Variants in CLPB observed in about 807,000 individuals in gnomAD.
CLPB encodes the protein ClpB family mitochondrial disaggregase.
In CLPB, 40 loss-of-function variants were observed where a neutral mutation model predicts 78.4. That is an observed-to-expected ratio of 0.51 (90% CI 0.40 to 0.66). CLPB has a LOEUF of 0.66. Among genes scored for constraint, CLPB ranks in the 30% least tolerant of loss-of-function variants. The probability of loss-of-function intolerance (pLI) is 0.00; values close to 1 mark genes in which losing one functional copy is unlikely to be tolerated. For missense variants in CLPB, 780 were observed against 886.9 expected, an observed-to-expected ratio of 0.88 and a Z score of 1.53; for synonymous variants, 333 against 348.0, an observed-to-expected ratio of 0.96 and a Z score of 0.48.
intron 4 of CLPB, among the ~76,000 whole-genome samples, chr11:72,361,289 G>C (rs1230249945): frequency 6.6e-6 from 1 of 152,156 alleles, no homozygotes; most frequent in Non-Finnish European, 1.5e-5. Context: ...TCCTGCCCCA[G>C]GAGTGTTATC....
intron 2 of CLPB, chr11:72,410,773 C>G (rs1475276876): frequency 2.0e-5 from 3 of 152,196 alleles, no homozygotes; most frequent in Non-Finnish European, 4.4e-5. Flanking sequence ...TCCCATCCAT[C>G]AGTGATCCTG....
intron 4 of CLPB, among the ~76,000 whole-genome samples, chr11:72,362,079 C>T (rs1565461903): frequency 6.6e-6 from 1 of 152,224 alleles, no homozygotes; most frequent in Non-Finnish European, 1.5e-5. Context: ...TCATCATCAC[C>T]TTTCTAATGC....
chr11:72,400,399 C>T (rs1590897615), intron 3 of CLPB, among the ~76,000 whole-genome samples: 1 of 152,226 alleles, frequency 6.6e-6, no homozygotes, highest in East Asian at 1.9e-4. Context: ...ACAAGCATCA[C>T]TGATTTGCTA....
intron 2 of CLPB, among the ~76,000 whole-genome samples, chr11:72,418,287 A>G (rs890467190): frequency 1.3e-5 from 2 of 152,222 alleles, no homozygotes; most frequent in African/African-American, 4.8e-5. Context: ...AGGAGGTGCC[A>G]TACACCTTGC....
intron 5 of CLPB, among the ~76,000 whole-genome samples, chr11:72,345,452 A>C (rs931655176): frequency 2.0e-5 from 3 of 152,262 alleles, no homozygotes; most frequent in African/African-American, 7.2e-5. Flanking sequence ...TGTAGGCAGA[A>C]AAGTGAAATA....
At chr11:72,338,114 A>G (rs73530724) in intron 5 of CLPB, among the ~76,000 whole-genome samples, 28,745 of 152,170 alleles carry the variant, frequency 0.19, 4,538 homozygotes, top group African/African-American at 0.44. Context: ...CTTGCCCTTG[A>G]GCAGAACTCA....
intron 3 of CLPB, among the ~76,000 whole-genome samples, chr11:72,390,930 C>T (rs2135046106): frequency 6.6e-6 from 1 of 152,218 alleles, no homozygotes. Flanking sequence ...ACTGGGGGGA[C>T]AGATAAGGTA....
intron 3 of CLPB, among the ~76,000 whole-genome samples, chr11:72,392,241 C>T (rs1020977059): frequency 5.3e-5 from 8 of 151,990 alleles, no homozygotes; most frequent in East Asian, 1.9e-4. Context: ...ATGAGTGTCA[C>T]GGGTCCCAAG....
At chr11:72,402,858 C>G (rs1855601748) in intron 3 of CLPB, 108 bp downstream of exon 3, 1 of 824,906 alleles carries the variant, frequency 1.2e-6, no homozygotes, top group Admixed American at 2.2e-5. Context: ...ATCTATCTTC[C>G]TGCCTCTGGA....
chr11:72,342,379 C>T (rs562368975), intron 5 of CLPB, among the ~76,000 whole-genome samples: 1 of 152,278 alleles, frequency 6.6e-6, no homozygotes, highest in South Asian at 2.1e-4. Context: ...GCAAAGCTAA[C>T]GTAGAGGTTT....
At chr11:72,416,247 T>C (rs921143158) in intron 2 of CLPB, among the ~76,000 whole-genome samples, 2 of 152,206 alleles carry the variant, frequency 1.3e-5, no homozygotes, top group Non-Finnish European at 2.9e-5. Flanking sequence ...AAGCTCCTTG[T>C]ATACAAATAC....
intron 5 of CLPB, among the ~76,000 whole-genome samples, chr11:72,340,746 A>G: frequency 6.6e-6 from 1 of 152,186 alleles, no homozygotes; most frequent in Non-Finnish European, 1.5e-5. Flanking sequence ...ATAATAACAC[A>G]ATGGCTCTGC....
intron 3 of CLPB, among the ~76,000 whole-genome samples, chr11:72,399,301 A>G (rs2135070977): frequency 1.3e-5 from 2 of 152,166 alleles, no homozygotes; most frequent in Non-Finnish European, 2.9e-5. Flanking sequence ...TTACAAAAAC[A>G]ATAAATCTAT....
chr11:72,313,657 C>T (rs1949887506), intron 7 of CLPB, among the ~76,000 whole-genome samples: 1 of 152,194 alleles, frequency 6.6e-6, no homozygotes, highest in Admixed American at 6.5e-5. Context: ...GGAGGGCAAC[C>T]TGCAGAAGGC....
chr11:72,313,113 T>C (rs916501798), intron 7 of CLPB, among the ~76,000 whole-genome samples: 15 of 152,236 alleles, frequency 9.9e-5, no homozygotes, highest in African/African-American at 3.1e-4. Context: ...GCCAGGGATA[T>C]AGTGTGGGAG....
At chr11:72,332,320 T>TA (rs551043381) in intron 5 of CLPB, among the ~76,000 whole-genome samples, 250 of 112,138 alleles carry the variant, frequency 2.2e-3, no homozygotes, top group Middle Eastern at 9.2e-3. Flanking sequence ...CCATCTCTAC[T>TA]AAAAAAAAAA....
intron 6 of CLPB, among the ~76,000 whole-genome samples, chr11:72,325,610 T>TA (rs2135543232): frequency 6.6e-6 from 1 of 152,214 alleles, no homozygotes; most frequent in South Asian, 2.1e-4. Flanking sequence ...CAGAATTAAA[T>TA]AAAAAATTAG....
At chr11:72,389,655 G>A (rs1855187939) in intron 3 of CLPB, among the ~76,000 whole-genome samples, 1 of 152,188 alleles carries the variant, frequency 6.6e-6, no homozygotes, top group Admixed American at 6.5e-5. Context: ...GGCTGGCATG[G>A]TGGCTCATAC....
chr11:72,336,391 C>T (rs1377052892), intron 5 of CLPB, among the ~76,000 whole-genome samples: 2 of 152,194 alleles, frequency 1.3e-5, no homozygotes, highest in East Asian at 1.9e-4. Context: ...CTCAGCCCTT[C>T]CCTCTGAGAG....
Sources: allele counts gnomAD v4.1 joint callset (sites outside exome capture counted in the v4.1 genomes callset), GRCh38; gene constraint gnomAD v4.1.1; transcripts MANE v1.5; gene names NCBI Gene and HGNC (gene_info 2026-07-23, HGNC 2026-07-21).